Variants in KCNK10 observed in about 807,000 individuals in gnomAD.
The protein encoded by KCNK10 is potassium channel subfamily K member 10.
In KCNK10, 25 loss-of-function variants were observed where a neutral mutation model predicts 47.7. The ratio of observed to expected loss-of-function variants is 0.52; its 90% CI spans 0.38 to 0.73. The LOEUF is 0.73. KCNK10 is among the 30% of genes least tolerant of loss of function. The pLI is 0.00. For synonymous variants in KCNK10, 303 were observed against 285.6 expected (o/e 1.06, Z -0.61); for missense variants, 563 against 714.5 (o/e 0.79, Z 2.42).
chr14:88,244,623 G>A (rs920398260), intron 2 of KCNK10, among the ~76,000 whole-genome samples: 3 of 151,946 alleles, frequency 2.0e-5, no homozygotes, highest in Admixed American at 6.6e-5. Context: ...AGCCGAGATC[G>A]CGCTACTGCA....
At chr14:88,219,375 C>T (rs1482182864) in intron 4 of KCNK10, among the ~76,000 whole-genome samples, 1 of 152,210 alleles carries the variant, frequency 6.6e-6, no homozygotes, top group East Asian at 1.9e-4. Flanking sequence ...ACCTGAGGGA[C>T]AACGCTCTGA....
At chr14:88,256,439 C>A (rs1267831562) in intron 2 of KCNK10, among the ~76,000 whole-genome samples, 1 of 152,028 alleles carries the variant, frequency 6.6e-6, no homozygotes, top group Non-Finnish European at 1.5e-5. Flanking sequence ...ATCAGTGGAG[C>A]CGGCCCTAGT....
At chr14:88,224,765 G>A (rs972729080) in intron 4 of KCNK10, among the ~76,000 whole-genome samples, 5 of 152,000 alleles carry the variant, frequency 3.3e-5, no homozygotes, top group Admixed American at 3.3e-4. Context: ...ATGCACCACC[G>A]TGCCCTGCAA....
rs111418189 is a variant in KCNK10, at chr14:88,242,699, T to C, written c.403-1879A>G. ...TAATCATCAGAGGTATGTTCTGCTC[T>C]GCTCTAGAGGGCAGACAGATGGTGA... On this transcript the variant is annotated intron_variant, in intron 2 of 6. Coordinates refer to ENST00000319231, the MANE Select transcript of KCNK10 (RefSeq NM_138317.3). Among the ~76,000 whole-genome samples, 448 of 152,348 alleles carry C rather than the reference T, an allele frequency of 2.9e-3. 4 individuals carry two copies. Among genetic ancestry groups the C allele is most frequent in the African/African-American group, 0.01 (416 of 41,578 alleles).
At chr14:88,230,686 G>A (rs1269434041) in intron 3 of KCNK10, among the ~76,000 whole-genome samples, 2 of 152,150 alleles carry the variant, frequency 1.3e-5, no homozygotes, top group African/African-American at 4.8e-5. Context: ...TCCTGTGCTT[G>A]GTTTAATGCT....
In KCNK10 at chr14:88,227,405, T is replaced by A. The variant is rs369276968; in HGVS notation, c.651A>T (p.Lys217Asn). The A allele has an allele frequency of 1.2e-4, 199 of 1,612,650 alleles. No homozygotes were observed. The highest frequency in any genetic ancestry group is 1.6e-4 in the Non-Finnish European group (194 of 1,179,610). Residue 217 changes from lysine (K) to asparagine (N), a missense_variant, in exon 4 of 7, where the codon AAA becomes AAT. Physicochemically the swap from Lys to Asn is moderately conservative, Grantham distance 94. Transcript: ENST00000319231. ...AGACCTTCTCCACTCTTGCAATGCT[T>A]TTCCCAAAGATGGTTCCAAGTTGGT... ...IGDQLGTIFG[K>N]SIARVEKVFR... is the part of the protein sequence containing the mutation.
chr14:88,273,873 C>T (rs974537924), intron 1 of KCNK10, among the ~76,000 whole-genome samples: 18 of 152,172 alleles, frequency 1.2e-4, no homozygotes, highest in African/African-American at 4.3e-4. Flanking sequence ...GACCTTTATC[C>T]TCCTCTTGGG....
chr14:88,227,644 C>T (rs2277523), intron 3 of KCNK10, 109 bp from the exon 4 acceptor site: 596,848 of 980,314 alleles, frequency 0.61, 184,244 homozygotes, highest in East Asian at 0.8. Context: ...TTATGAGCTT[C>T]AGGGAGTAGA....
At position 88,181,688 on chromosome 14, in the gene KCNK10, T is replaced by C. The variant is rs1274154412; in HGVS notation, c.*3847A>G. 6.6e-6 allele frequency: 1 copy of C among 152,236 alleles called. No individual in the cohort carries two copies. Among genetic ancestry groups the C allele is most frequent in the Non-Finnish European group, 1.5e-5 (1 of 68,030 alleles). The allele number at this position is 152,236 out of a possible 1,614,324, so 9.4% of individuals were successfully genotyped here. A position where few individuals can be genotyped will look rare whatever the true frequency, so the allele number is the denominator to read the frequency against. On this transcript the variant is annotated 3_prime_UTR_variant, in exon 7 of 7. Coordinates refer to ENST00000319231, the MANE Select transcript of KCNK10 (RefSeq NM_138317.3). ...TCTCCCAAGTACATCTGGTCTCCATTAATCCCCCAAAAGACAAATCCCAAA... is the reference window on the plus strand; with the variant it reads ...TCTCCCAAGTACATCTGGTCTCCATCAATCCCCCAAAAGACAAATCCCAAA...
chr14:88,234,438 C>T (rs1373080350), intron 3 of KCNK10, among the ~76,000 whole-genome samples: 1 of 152,180 alleles, frequency 6.6e-6, no homozygotes, highest in East Asian at 1.9e-4. Context: ...CTAGAAACAA[C>T]ATAGGTCCTG....
chr14:88,255,156 T>A (rs938379405), intron 2 of KCNK10, among the ~76,000 whole-genome samples: 1 of 152,210 alleles, frequency 6.6e-6, no homozygotes, highest in South Asian at 2.1e-4. Context: ...TGAATCATGT[T>A]TCCTTCTCCC....
intron 4 of KCNK10, among the ~76,000 whole-genome samples, chr14:88,217,296 C>G (rs1226635556): frequency 6.6e-6 from 1 of 152,202 alleles, no homozygotes; most frequent in Non-Finnish European, 1.5e-5. Flanking sequence ...CACTGGTAAA[C>G]TGAAGTTCAC....
At chr14:88,299,544 C>T (rs964010215) in intron 1 of KCNK10, among the ~76,000 whole-genome samples, 2 of 152,182 alleles carry the variant, frequency 1.3e-5, no homozygotes, top group Non-Finnish European at 2.9e-5. Flanking sequence ...TGTAACAGTG[C>T]CTTGGGTATT....
intron 2 of KCNK10, among the ~76,000 whole-genome samples, chr14:88,244,719 G>T (rs1474051206): frequency 6.6e-6 from 1 of 152,098 alleles, no homozygotes; most frequent in Non-Finnish European, 1.5e-5. Flanking sequence ...GTGAATGGAG[G>T]GCAGCCCATT....
chr14:88,213,993 G>A (rs929863638), intron 4 of KCNK10, among the ~76,000 whole-genome samples: 4 of 150,856 alleles, frequency 2.7e-5, no homozygotes, highest in Non-Finnish European at 4.4e-5. Flanking sequence ...AGGCTGGAGT[G>A]CAGTGGTGTG....
chr14:88,305,263 G>A (rs534310406), intron 1 of KCNK10, among the ~76,000 whole-genome samples: 8 of 152,084 alleles, frequency 5.3e-5, no homozygotes, highest in South Asian at 2.1e-4. Flanking sequence ...GAACCTAACC[G>A]TATATTTCCC....
At chr14:88,317,202 G>A (rs1387964731) in intron 1 of KCNK10, among the ~76,000 whole-genome samples, 3 of 152,184 alleles carry the variant, frequency 2.0e-5, no homozygotes, top group Non-Finnish European at 2.9e-5. Flanking sequence ...CTGATCTCCT[G>A]AAAATTGGAT....
chr14:88,272,381 A>T (rs1887427953), intron 1 of KCNK10, among the ~76,000 whole-genome samples: 1 of 152,116 alleles, frequency 6.6e-6, no homozygotes. Context: ...GCCACCGAAG[A>T]GGAGACGAGA....
intron 1 of KCNK10, among the ~76,000 whole-genome samples, chr14:88,286,760 C>T (rs937792136): frequency 2.0e-5 from 3 of 152,134 alleles, no homozygotes; most frequent in African/African-American, 7.2e-5. Context: ...TTTCATGAGA[C>T]TTATTCACTA....
Sources: allele counts gnomAD v4.1 joint callset (sites outside exome capture counted in the v4.1 genomes callset), GRCh38; gene constraint gnomAD v4.1.1; transcripts MANE v1.5; gene names NCBI Gene and HGNC (gene_info 2026-07-23, HGNC 2026-07-21).